TNKS: variants seen among roughly 807,000 people sequenced by gnomAD.
TNKS encodes tankyrase, also known as poly [ADP-ribose] polymerase tankyrase-1.
Under a neutral mutation model 135.8 loss-of-function variants are expected in TNKS, and 72 were observed. That is an observed-to-expected ratio of 0.53 (90% CI 0.44 to 0.64). TNKS has a LOEUF of 0.64. Ranked by LOEUF, TNKS falls within the 30% of genes least tolerant of loss-of-function variation. The pLI is 0.00. For missense variants in TNKS, 1,769 were observed against 1,674.0 expected (o/e 1.06, Z -0.99); for synonymous variants, 849 against 649.3 (o/e 1.31, Z -4.68).
At chr8:9,639,283 C>T (rs909259751) in intron 3 of TNKS, among the ~76,000 whole-genome samples, 1 of 152,004 alleles carries the variant, frequency 6.6e-6, no homozygotes, top group Non-Finnish European at 1.5e-5. Context: ...ACCAATTAAG[C>T]TTTGAAGGAA....
chr8:9,746,881 CTTTTTTT>C (rs10672387), intron 17 of TNKS, among the ~76,000 whole-genome samples: 3 of 117,230 alleles, frequency 2.6e-5, no homozygotes, highest in Non-Finnish European at 4.9e-5. Context: ...CCTACTTAAA[CTTTTTTT>C]TTTTTTTTTT....
chr8:9,583,761 G>A (rs1305341875), intron 2 of TNKS, among the ~76,000 whole-genome samples: 3 of 152,026 alleles, frequency 2.0e-5, no homozygotes, highest in Non-Finnish European at 4.4e-5. Context: ...TCCTGGGATT[G>A]TAGGCGTGAG....
In TNKS at chr8:9,579,515, C is replaced by G. The variant is rs182001225; in HGVS notation, c.674-644C>G. ...GAGGAGTCTCGCACTATTGCCCAGG[C>G]TGGAATGCAGTGGCGTGGTCTCGGC... On this transcript the variant is annotated intron_variant, in intron 1 of 26. Transcript: ENST00000310430. 2.6e-5 allele frequency among the ~76,000 whole-genome samples: 4 copies of G among 152,228 alleles called. No homozygotes were observed. The East Asian group carries it at 7.7e-4, about 29-fold the overall frequency.
chr8:9,638,228 G>A (rs1304062298), intron 3 of TNKS, among the ~76,000 whole-genome samples: 1 of 152,210 alleles, frequency 6.6e-6, no homozygotes, highest in Non-Finnish European at 1.5e-5. Context: ...TATCACCGCA[G>A]CCTCCTAAAG....
intron 3 of TNKS, among the ~76,000 whole-genome samples, chr8:9,671,374 T>C (rs1201827043): frequency 6.6e-6 from 1 of 152,140 alleles, no homozygotes; most frequent in South Asian, 2.1e-4. Flanking sequence ...CAGCTGGTGA[T>C]TGGATAAACA....
chr8:9,727,480 C>T (rs929404865), intron 13 of TNKS, among the ~76,000 whole-genome samples: 16 of 152,136 alleles, frequency 1.1e-4, no homozygotes, highest in African/African-American at 3.9e-4. Flanking sequence ...ATTGCCCAGG[C>T]AGGCCTCAAA....
At chr8:9,593,292 T>C (rs1798655257) in intron 2 of TNKS, among the ~76,000 whole-genome samples, 2 of 152,206 alleles carry the variant, frequency 1.3e-5, no homozygotes, top group Non-Finnish European at 2.9e-5. Context: ...TACCTACCAG[T>C]TTACCAGTGA....
At chr8:9,604,005 TAAAAAG>T (rs747481120) in intron 2 of TNKS, among the ~76,000 whole-genome samples, 1 of 152,086 alleles carries the variant, frequency 6.6e-6, no homozygotes, top group Admixed American at 6.5e-5. Context: ...TAAAAAGAAA[TAAAAAG>T]AGGAAGTAAA....
chr8:9,761,165 T>G (rs1170665852), intron 20 of TNKS, among the ~76,000 whole-genome samples: 1 of 152,212 alleles, frequency 6.6e-6, no homozygotes, highest in East Asian at 1.9e-4. Flanking sequence ...GATCTGGTGT[T>G]TTCCCATTTT....
intron 26 of TNKS, among the ~76,000 whole-genome samples, chr8:9,775,613 T>C (rs889984879): frequency 1.3e-5 from 2 of 150,918 alleles, no homozygotes; most frequent in Non-Finnish European, 3.0e-5. Context: ...ATAATAACAA[T>C]AATAGATCCT....
At chr8:9,669,347 A>G (rs985068945) in intron 3 of TNKS, among the ~76,000 whole-genome samples, 22 of 150,518 alleles carry the variant, frequency 1.5e-4, no homozygotes, top group South Asian at 4.2e-4. Context: ...GAACCCGGGA[A>G]GCGGAGCTTG....
At position 9,709,951 on chromosome 8, in the gene TNKS, A is replaced by G. The variant is rs765090871; in HGVS notation, c.1579-4A>G. ...TTATTAACTTGGTTTTGTTTACTTT[A>G]TAGCACTGTGCTGTGGCCTCTCTGC... On this transcript the variant is annotated splice_polypyrimidine_tract_variant and splice_region_variant and intron_variant, in intron 9 of 26. Coordinates refer to ENST00000310430, the MANE Select transcript of TNKS (RefSeq NM_003747.3). The G allele has an allele frequency of 1.9e-6, 3 of 1,612,636 alleles. No individual in the cohort carries two copies. The highest frequency in any genetic ancestry group is 2.7e-5 in the African/African-American group (2 of 75,022).
chr8:9,690,327 G>T (rs1803205992), intron 5 of TNKS, among the ~76,000 whole-genome samples: 1 of 152,102 alleles, frequency 6.6e-6, no homozygotes, highest in Non-Finnish European at 1.5e-5. Flanking sequence ...GAATTAAGTT[G>T]GCATTCAGAG....
intron 3 of TNKS, among the ~76,000 whole-genome samples, chr8:9,651,957 A>T (rs1482510021): frequency 6.6e-6 from 1 of 152,208 alleles, no homozygotes; most frequent in Non-Finnish European, 1.5e-5. Flanking sequence ...GTACATTTCT[A>T]TGGCATAAAA....
chr8:9,678,828 C>G (rs1802652187), intron 3 of TNKS, among the ~76,000 whole-genome samples: 2 of 152,038 alleles, frequency 1.3e-5, no homozygotes, highest in Admixed American at 1.3e-4. Context: ...TTCATTTAGT[C>G]TAATGTTTTA....
At position 9,655,132 on chromosome 8, in the gene TNKS, G is replaced by A. The variant is rs575770543; in HGVS notation, c.995-24819G>A. On this transcript the variant is annotated intron_variant, in intron 3 of 26. Coordinates refer to ENST00000310430, the MANE Select transcript of TNKS (RefSeq NM_003747.3). The stretch of plus-strand genomic sequence containing the variant: ...GCTTGGAGGATCCTACGCCCATGGA[G>A]CCTCACTCATTGCTAGCCCAGCAGT... 7.2e-5 allele frequency among the ~76,000 whole-genome samples: 11 copies of A among 152,338 alleles called. No homozygotes were observed. The East Asian group carries it at 1.7e-3, about 24-fold the overall frequency.
chr8:9,567,634 G>A (rs370746776), intron 1 of TNKS, among the ~76,000 whole-genome samples: 14 of 152,288 alleles, frequency 9.2e-5, no homozygotes, highest in African/African-American at 9.6e-5. Flanking sequence ...AGCGAGGATG[G>A]TCTCGTTCTC....
chr8:9,562,344 A>G (rs1797371747), intron 1 of TNKS, among the ~76,000 whole-genome samples: 2 of 152,102 alleles, frequency 1.3e-5, no homozygotes, highest in Non-Finnish European at 2.9e-5. Flanking sequence ...TTTAATTTAT[A>G]TATTTATTTT....
intron 3 of TNKS, among the ~76,000 whole-genome samples, chr8:9,659,763 C>CA (rs1388540014): frequency 6.6e-6 from 1 of 151,936 alleles, no homozygotes; most frequent in Non-Finnish European, 1.5e-5. Context: ...GATAGAGACA[C>CA]AAAAAACCGT....
Sources: allele counts gnomAD v4.1 joint callset (sites outside exome capture counted in the v4.1 genomes callset), GRCh38; gene constraint gnomAD v4.1.1; transcripts MANE v1.5; gene names NCBI Gene and HGNC (gene_info 2026-07-23, HGNC 2026-07-21).